ZNF423: variants seen among roughly 807,000 people sequenced by gnomAD.
The protein encoded by ZNF423 is zinc finger protein 423, also known as Ebf-associated zinc finger protein.
A neutral mutation model predicts 95.8 loss-of-function variants in ZNF423; 12 were observed. The observed-to-expected ratio is 0.13, with a 90% CI of 0.08 to 0.20. ZNF423 has a LOEUF of 0.20. Among genes scored for constraint, ZNF423 ranks in the 10% least tolerant of loss-of-function variants. The pLI, the probability that ZNF423 is intolerant of heterozygous loss-of-function variation, is 1.00. For synonymous variants in ZNF423, 749 were observed against 711.9 expected (o/e 1.05, Z -0.83); for missense variants, 1,316 against 1,737.1 (o/e 0.76, Z 4.31).
intron 3 of ZNF423, among the ~76,000 whole-genome samples, chr16:49,674,477 G>A (rs760517131): frequency 9.9e-5 from 15 of 152,168 alleles, no homozygotes; most frequent in East Asian, 3.9e-4. Context: ...GCTCTGAGAC[G>A]TGATGTCACT....
At chr16:49,681,974 TCCCACCCCTCACAGCC>T (rs2031376613) in intron 3 of ZNF423, among the ~76,000 whole-genome samples, 2 of 151,488 alleles carry the variant, frequency 1.3e-5, no homozygotes, top group East Asian at 3.9e-4. Context: ...CCTAACAAGC[TCCCACCCCTCACAGCC>T]CCCATGTCTA....
chr16:49,608,831 TCCACTCCAGCAAAGG>T, intron 5 of ZNF423, among the ~76,000 whole-genome samples: 1 of 152,094 alleles, frequency 6.6e-6, no homozygotes, highest in Non-Finnish European at 1.5e-5. Flanking sequence ...CCCACCACCA[TCCACTCCAGCAAAGG>T]CTGAATGGAG....
At chr16:49,749,982 C>T (rs1027196411) in intron 2 of ZNF423, among the ~76,000 whole-genome samples, 1 of 152,186 alleles carries the variant, frequency 6.6e-6, no homozygotes, top group Non-Finnish European at 1.5e-5. Flanking sequence ...CCAGTCCATC[C>T]GTGCAGATGG....
intron 1 of ZNF423, among the ~76,000 whole-genome samples, chr16:49,797,626 C>A (rs1010262550): frequency 1.3e-5 from 2 of 152,230 alleles, no homozygotes; most frequent in African/African-American, 4.8e-5. Context: ...CCACCCAACA[C>A]CTCCACTGAC....
intron 3 of ZNF423, among the ~76,000 whole-genome samples, chr16:49,660,458 G>A (rs530627425): frequency 6.6e-6 from 1 of 152,190 alleles, no homozygotes; most frequent in African/African-American, 2.4e-5. Context: ...CCACTCAAGA[G>A]GCCCCTGTAA....
At chr16:49,690,246 A>T (rs973732548) in intron 3 of ZNF423, among the ~76,000 whole-genome samples, 1 of 152,242 alleles carries the variant, frequency 6.6e-6, no homozygotes, top group Non-Finnish European at 1.5e-5. Context: ...GACTGTGGGC[A>T]GAGAAAAAAT....
chr16:49,637,164 G>A lies in ZNF423; in HGVS notation c.2012C>T (p.Ala671Val), dbSNP rs778294114. Residue 671 changes from alanine to valine, a missense_variant, in exon 4 of 8, where the codon GCG becomes GTG. By Grantham distance (64) the Ala-to-Val change is moderately conservative. Around this residue, in one of 6 missense-constraint regions of ZNF423, gnomAD observed 620 missense variants for 775.6 expected, o/e 0.80. Coordinates refer to ENST00000563137, the MANE Select transcript of ZNF423 (RefSeq NM_001379286.1). This position sits in a 1 kb window ranked among gnomAD's most constrained non-coding sequence, Gnocchi z 5.6. ...AAAGTCCTCTTTGCACTGGGGGCAC[G>A]CTTGCTTCCGCAGCAGCAGCTCCAG... Reference protein sequence around the residue: ...LHLELLLRKQACPQCKEDFDS... With the variant: ...LHLELLLRKQVCPQCKEDFDS... 7.4e-6 allele frequency: 12 copies of A among 1,613,628 alleles called. No individual in the cohort carries two copies. Among genetic ancestry groups the A allele is most frequent in the East Asian group, 2.2e-5 (1 of 44,900 alleles).
chr16:49,785,269 C>A (rs1421779511), intron 2 of ZNF423, among the ~76,000 whole-genome samples: 5 of 152,158 alleles, frequency 3.3e-5, no homozygotes, highest in African/African-American at 1.2e-4. Context: ...TTTGTAGAGA[C>A]AGGCTCTCAC....
intron 4 of ZNF423, among the ~76,000 whole-genome samples, chr16:49,627,680 C>A (rs1341921962): frequency 6.6e-6 from 1 of 151,026 alleles, no homozygotes; most frequent in Non-Finnish European, 1.5e-5. Flanking sequence ...ACCCATATAC[C>A]CATTCATCCA....
chr16:49,679,145 T>C (rs544950136), intron 3 of ZNF423, among the ~76,000 whole-genome samples: 20 of 152,350 alleles, frequency 1.3e-4, no homozygotes, highest in African/African-American at 4.6e-4. Context: ...TCTCACTATG[T>C]TGCCCAGGTT....
intron 1 of ZNF423, among the ~76,000 whole-genome samples, chr16:49,809,528 T>C (rs2034718188): frequency 6.6e-6 from 1 of 152,160 alleles, no homozygotes; most frequent in Admixed American, 6.5e-5. Context: ...CAGGTCCTGC[T>C]GGTCCTGGAA....
intron 1 of ZNF423, among the ~76,000 whole-genome samples, chr16:49,850,397 A>G (rs911593075): frequency 6.6e-6 from 1 of 152,346 alleles, no homozygotes; most frequent in African/African-American, 2.4e-5. Context: ...AAATTGTCAA[A>G]TTCTCCAACC....
chr16:49,736,513 A>T (rs1318208373), intron 2 of ZNF423, among the ~76,000 whole-genome samples: 2 of 152,188 alleles, frequency 1.3e-5, no homozygotes, highest in Admixed American at 1.3e-4. Flanking sequence ...GAAAGCACTG[A>T]ATTTTCAGGC....
intron 1 of ZNF423, among the ~76,000 whole-genome samples, chr16:49,836,186 G>T (rs1264570127): frequency 6.6e-6 from 1 of 152,206 alleles, no homozygotes; most frequent in Non-Finnish European, 1.5e-5. Context: ...TGCTGGCCTA[G>T]TTGTGCCAGG....
intron 5 of ZNF423, among the ~76,000 whole-genome samples, chr16:49,614,240 C>A (rs973924034): frequency 1.3e-5 from 2 of 152,182 alleles, no homozygotes; most frequent in African/African-American, 4.8e-5. Flanking sequence ...ATTAAAAGCA[C>A]AATGAGATAT....
intron 2 of ZNF423, among the ~76,000 whole-genome samples, chr16:49,785,298 C>G (rs2034292985): frequency 6.6e-6 from 1 of 152,134 alleles, no homozygotes; most frequent in South Asian, 2.1e-4. Flanking sequence ...CCAGGCTGGT[C>G]TCAAACTCCT....
chr16:49,640,149 A>C (rs992699887), intron 3 of ZNF423, among the ~76,000 whole-genome samples: 1 of 152,168 alleles, frequency 6.6e-6, no homozygotes, highest in Non-Finnish European at 1.5e-5. Context: ...AGCCTGGCTG[A>C]GTCTTCAGAA....
At chr16:49,614,213 C>T (rs907100225) in intron 5 of ZNF423, among the ~76,000 whole-genome samples, 4 of 152,296 alleles carry the variant, frequency 2.6e-5, no homozygotes, top group Admixed American at 2.6e-4. Context: ...ACATCATTAG[C>T]CATTAAGGAA....
rs1290032366 is a variant in ZNF423, at chr16:49,730,836, T to G, written c.236A>C (p.His79Pro). 1 of 1,614,074 alleles carries G rather than the reference T, an allele frequency of 6.2e-7. No individual in the cohort carries two copies. Among genetic ancestry groups the G allele is most frequent in the Non-Finnish European group, 8.5e-7 (1 of 1,180,054 alleles). ...MEDESIYTCD[H>P]CQQDFESLAD... is the part of the protein sequence containing the mutation. ...CAGAGACTCGAAGTCCTGCTGACAG[T>G]GATCGCAGGTGTAAATTGATTCATC... The change falls in exon 3 of 8, where the codon CAC (histidine) becomes CCC (proline). Residue 79 changes from histidine to proline, a missense_variant. By Grantham distance (77) the His-to-Pro change is moderately conservative (BLOSUM62 -2). Around this residue, in one of 6 missense-constraint regions of ZNF423, gnomAD observed 155 missense variants for 170.8 expected, o/e 0.91. Transcript: ENST00000563137.
Sources: gnomAD v4.1 joint callset for allele counts (sites outside exome capture counted in the v4.1 genomes callset) on GRCh38, gnomAD v4.1.1 for gene constraint, gnomAD v4.1.1 regional missense constraint, Gnocchi (gnomAD v3.1) non-coding constraint, MANE v1.5 for transcripts, NCBI Gene and HGNC (gene_info 2026-07-23, HGNC 2026-07-21) for gene names.